The following FOXP2 variants were observed in gnomAD, a reference collection of about 807,000 sequenced individuals.
The protein encoded by FOXP2 is forkhead box protein P2.
A neutral mutation model predicts 115.8 loss-of-function variants in FOXP2; 12 were observed. That is an observed-to-expected ratio of 0.10 (90% confidence interval 0.07 to 0.17). The LOEUF is 0.17. Ranked by LOEUF, FOXP2 falls within the 10% of genes least tolerant of loss-of-function variation. FOXP2 has a pLI of 1.00. For missense variants in FOXP2, 629 were observed against 843.5 expected (o/e 0.75, Z 3.15); for synonymous variants, 328 against 297.7 (o/e 1.10, Z -1.05).
intron 2 of FOXP2, among the ~76,000 whole-genome samples, chr7:114,478,782 T>C (rs746636241): frequency 3.3e-5 from 5 of 151,794 alleles, no homozygotes; most frequent in Admixed American, 6.6e-5. Flanking sequence ...GTAAATGAAC[T>C]AACACAACAC....
chr7:114,496,705 A>C (rs1015871875), intron 2 of FOXP2, among the ~76,000 whole-genome samples: 1 of 152,194 alleles, frequency 6.6e-6, no homozygotes, highest in African/African-American at 2.4e-5. Flanking sequence ...GGTTCATCTT[A>C]AGACCTAAAG....
At chr7:114,533,584 G>T (rs926969445) in intron 2 of FOXP2, among the ~76,000 whole-genome samples, 1 of 151,786 alleles carries the variant, frequency 6.6e-6, no homozygotes, top group African/African-American at 2.4e-5. Flanking sequence ...ATCCAATAAT[G>T]TTTTCTCATT....
At chr7:114,272,841 A>G (rs1441794778) in intron 1 of FOXP2, among the ~76,000 whole-genome samples, 1 of 151,706 alleles carries the variant, frequency 6.6e-6, no homozygotes, top group Non-Finnish European at 1.5e-5. Context: ...TTTTCTATGG[A>G]GTCTGGATAA....
chr7:114,217,569 A>G (rs899509025), intron 1 of FOXP2, among the ~76,000 whole-genome samples: 2 of 152,108 alleles, frequency 1.3e-5, no homozygotes, highest in Non-Finnish European at 2.9e-5. Flanking sequence ...GTTGTCTGGT[A>G]GTTGTGTAAT....
intron 1 of FOXP2, among the ~76,000 whole-genome samples, chr7:114,192,974 T>A (rs989327262): frequency 1.3e-5 from 2 of 152,154 alleles, no homozygotes; most frequent in African/African-American, 4.8e-5. Flanking sequence ...AATAAACACC[T>A]ATGGTCCTTG....
At chr7:114,522,245 A>G (rs1798662499) in intron 2 of FOXP2, among the ~76,000 whole-genome samples, 1 of 152,140 alleles carries the variant, frequency 6.6e-6, no homozygotes, top group Non-Finnish European at 1.5e-5. Context: ...GGGATTTTAT[A>G]TGTGTCTTCA....
chr7:114,366,461 C>A (rs1042377777), intron 2 of FOXP2: 3 of 152,070 alleles, frequency 2.0e-5, no homozygotes, highest in South Asian at 2.1e-4. Context: ...TGAATATTTT[C>A]TTTTCCTTTT....
intron 2 of FOXP2, among the ~76,000 whole-genome samples, chr7:114,400,556 T>C (rs190158994): frequency 4.1e-4 from 63 of 152,288 alleles, no homozygotes; most frequent in Non-Finnish European, 7.6e-4. Flanking sequence ...CCAATCTTTT[T>C]GGCACCAGAT....
intron 16 of FOXP2, among the ~76,000 whole-genome samples, chr7:114,686,727 T>C (rs944106911): frequency 2.0e-5 from 3 of 152,170 alleles, no homozygotes; most frequent in Admixed American, 2.0e-4. Flanking sequence ...TGGAAATAGC[T>C]ATGAAAATAA....
At chr7:114,617,958 TCACCTA>T in intron 3 of FOXP2, among the ~76,000 whole-genome samples, 1 of 152,224 alleles carries the variant, frequency 6.6e-6, no homozygotes, top group Non-Finnish European at 1.5e-5. Context: ...CATCCTGCTT[TCACCTA>T]GAAAAGGCCT....
chr7:114,445,100 G>A, intron 2 of FOXP2, among the ~76,000 whole-genome samples: 1 of 151,530 alleles, frequency 6.6e-6, no homozygotes, highest in East Asian at 1.9e-4. Context: ...GCTCAAAACT[G>A]TAAGAATTGC....
At chr7:114,295,646 T>C (rs534001810) in intron 2 of FOXP2, among the ~76,000 whole-genome samples, 130 of 152,370 alleles carry the variant, frequency 8.5e-4, no homozygotes, top group Non-Finnish European at 1.5e-3. Context: ...GGACTATTAC[T>C]GTAGGTGTCA....
intron 1 of FOXP2, among the ~76,000 whole-genome samples, chr7:114,237,483 G>A (rs1795040826): frequency 6.6e-6 from 1 of 152,048 alleles, no homozygotes; most frequent in Non-Finnish European, 1.5e-5. Flanking sequence ...AATATACAAT[G>A]GCTAAATTTT....
intron 1 of FOXP2, among the ~76,000 whole-genome samples, chr7:114,171,280 A>C (rs566619943): frequency 1.3e-5 from 2 of 152,324 alleles, no homozygotes; most frequent in South Asian, 4.1e-4. Flanking sequence ...CTGCTCATTA[A>C]TAATGTACCT....
chr7:114,188,363 T>C (rs762130072), intron 1 of FOXP2, among the ~76,000 whole-genome samples: 2 of 152,194 alleles, frequency 1.3e-5, no homozygotes, highest in Admixed American at 6.5e-5. Context: ...CTCTCTGGTT[T>C]TGCAATCCTC....
intron 5 of FOXP2, 41 bp from the exon 6 acceptor site, chr7:114,631,487 A>T: frequency 7.7e-6 from 12 of 1,551,582 alleles, no homozygotes; most frequent in Non-Finnish European, 1.0e-5. Context: ...TGTACAGACC[A>T]TGTTCTCTGC....
At chr7:114,507,573 G>A (rs1043146144) in intron 2 of FOXP2, among the ~76,000 whole-genome samples, 3 of 151,926 alleles carry the variant, frequency 2.0e-5, no homozygotes, top group African/African-American at 7.2e-5. Context: ...AAGTCTGGAA[G>A]TCATTGCTTG....
chr7:114,255,824 A>G (rs1005585276), intron 1 of FOXP2, among the ~76,000 whole-genome samples: 2 of 152,058 alleles, frequency 1.3e-5, no homozygotes, highest in Non-Finnish European at 2.9e-5. Flanking sequence ...GCCAAGCCCC[A>G]GTGAGATGAA....
At chr7:114,298,792 A>G (rs772614555) in intron 2 of FOXP2, among the ~76,000 whole-genome samples, 55 of 152,190 alleles carry the variant, frequency 3.6e-4, no homozygotes, top group Non-Finnish European at 6.6e-4. Flanking sequence ...AAAAAGGTTT[A>G]TGATGCAGTT....
Sources: gnomAD v4.1 joint callset for allele counts (sites outside exome capture counted in the v4.1 genomes callset) on GRCh38, gnomAD v4.1.1 for gene constraint, MANE v1.5 for transcripts, NCBI Gene and HGNC (gene_info 2026-07-23, HGNC 2026-07-21) for gene names.